Variants in MGAT4C observed in about 807,000 individuals in gnomAD.
MGAT4C encodes the protein alpha-1,3-mannosyl-glycoprotein 4-beta-N-acetylglucosaminyltransferase C.
Under a neutral mutation model 40.1 loss-of-function variants are expected in MGAT4C, and 19 were observed. That is an observed-to-expected ratio of 0.47 (90% CI 0.33 to 0.70). MGAT4C has a LOEUF of 0.70. MGAT4C is among the 30% of genes least tolerant of loss of function. The pLI, the probability that MGAT4C is intolerant of heterozygous loss-of-function variation, is 0.02. For missense variants in MGAT4C, 491 were observed against 563.2 expected (o/e 0.87, Z 1.30); for synonymous variants, 181 against 187.1 (o/e 0.97, Z 0.27).
At chr12:86,697,162 T>C (rs567906756) in intron 2 of MGAT4C, among the ~76,000 whole-genome samples, 41 of 152,288 alleles carry the variant, frequency 2.7e-4, no homozygotes, top group Admixed American at 1.2e-3. Context: ...AATCCAAAGA[T>C]CATGACCTTA....
intron 2 of MGAT4C, among the ~76,000 whole-genome samples, chr12:86,667,049 C>A (rs1379362819): frequency 2.0e-5 from 3 of 152,152 alleles, no homozygotes; most frequent in Non-Finnish European, 4.4e-5. Flanking sequence ...TTGCTCTATA[C>A]CACTGCTGCT....
intron 2 of MGAT4C, among the ~76,000 whole-genome samples, chr12:86,721,056 CAT>C (rs1274181701): frequency 2.0e-5 from 3 of 152,072 alleles, no homozygotes; most frequent in African/African-American, 7.2e-5. Flanking sequence ...TCAAGAATCT[CAT>C]ATGTGTTTGC....
intron 2 of MGAT4C, among the ~76,000 whole-genome samples, chr12:86,027,804 A>G (rs1267456179): frequency 6.6e-6 from 1 of 151,952 alleles, no homozygotes; most frequent in African/African-American, 2.4e-5. Context: ...TGTTCCAGAG[A>G]TCTAACTAAT....
chr12:86,139,042 C>A (rs1882450157), intron 1 of MGAT4C, among the ~76,000 whole-genome samples: 1 of 152,114 alleles, frequency 6.6e-6, no homozygotes, highest in African/African-American at 2.4e-5. Context: ...GTCCTCATGA[C>A]TTCCCTCCAT....
intron 2 of MGAT4C, among the ~76,000 whole-genome samples, chr12:86,648,968 GTTGT>G (rs1235418664): frequency 6.6e-6 from 1 of 151,526 alleles, no homozygotes; most frequent in African/African-American, 2.4e-5. Flanking sequence ...ATGCATTTTT[GTTGT>G]TTGTTTATTT....
At chr12:86,750,298 T>C (rs1340732128) in intron 1 of MGAT4C, among the ~76,000 whole-genome samples, 1 of 151,908 alleles carries the variant, frequency 6.6e-6, no homozygotes, top group African/African-American at 2.4e-5. Context: ...CCTACATAGA[T>C]GAGGCTGAAT....
At chr12:86,203,713 T>A (rs2135939655) in intron 1 of MGAT4C, among the ~76,000 whole-genome samples, 1 of 152,088 alleles carries the variant, frequency 6.6e-6, no homozygotes, top group South Asian at 2.1e-4. Flanking sequence ...ATCCCAGCAC[T>A]TTGGGAGGTT....
At chr12:86,679,956 C>A (rs1949949997) in intron 2 of MGAT4C, among the ~76,000 whole-genome samples, 1 of 151,994 alleles carries the variant, frequency 6.6e-6, no homozygotes, top group Non-Finnish European at 1.5e-5. Flanking sequence ...TGTTTCCTTG[C>A]CTTAGAGTAT....
intron 2 of MGAT4C, among the ~76,000 whole-genome samples, chr12:86,622,900 A>G (rs1002049466): frequency 1.3e-5 from 2 of 152,102 alleles, no homozygotes; most frequent in African/African-American, 2.4e-5. Context: ...ACTTCATCAA[A>G]AACTGACAGA....
chr12:86,522,639 C>T (rs960071075), intron 2 of MGAT4C, among the ~76,000 whole-genome samples: 7 of 152,004 alleles, frequency 4.6e-5, no homozygotes, highest in Non-Finnish European at 1.0e-4. Context: ...TATTTCTCCT[C>T]CTCAATTTTT....
At position 86,394,188 on chromosome 12, in the gene MGAT4C, C is replaced by T. The variant is rs886410831; in HGVS notation, c.-120+40969G>A. Among the ~76,000 whole-genome samples the T allele has an allele frequency of 2.6e-5, 4 of 152,072 alleles. 1 individual carries two copies. Among genetic ancestry groups the T allele is most frequent in the South Asian group, 4.1e-4 (2 of 4,822 alleles). On this transcript the variant is annotated intron_variant, in intron 3 of 7. Coordinates refer to the MGAT4C transcript ENST00000548651. ...CTGAATCAACTTGGGGAATGTATGC[C>T]TTCTTAATTCTCAATTAATAAACAA...
At chr12:86,540,773 C>A (rs1427511195) in intron 2 of MGAT4C, among the ~76,000 whole-genome samples, 1 of 151,774 alleles carries the variant, frequency 6.6e-6, no homozygotes, top group Non-Finnish European at 1.5e-5. Flanking sequence ...AAATTCTAAG[C>A]TGAAACCACT....
intron 3 of MGAT4C, among the ~76,000 whole-genome samples, chr12:86,380,587 C>A (rs1269683430): frequency 6.6e-6 from 1 of 152,068 alleles, no homozygotes; most frequent in Non-Finnish European, 1.5e-5. Context: ...AGAATGAATA[C>A]GTGAAAAATC....
At chr12:86,830,009 G>C (rs915122092) in intron 1 of MGAT4C, among the ~76,000 whole-genome samples, 5 of 151,370 alleles carry the variant, frequency 3.3e-5, no homozygotes, top group Admixed American at 2.0e-4. Flanking sequence ...AAAATGGTTT[G>C]TTACTGAATT....
chr12:86,034,842 T>C (rs1891081320), intron 2 of MGAT4C, among the ~76,000 whole-genome samples: 1 of 149,782 alleles, frequency 6.7e-6, no homozygotes, highest in African/African-American at 2.4e-5. Flanking sequence ...TGGTTTTCTG[T>C]TTTTGTGTTA....
chr12:86,279,262 A>C (rs1287959319), intron 4 of MGAT4C, among the ~76,000 whole-genome samples: 3 of 152,220 alleles, frequency 2.0e-5, no homozygotes, highest in Non-Finnish European at 4.4e-5. Context: ...GTTTGGTAGA[A>C]TTCAGCAGTT....
At chr12:86,405,440 T>C (rs1287306796) in intron 3 of MGAT4C, among the ~76,000 whole-genome samples, 3 of 151,958 alleles carry the variant, frequency 2.0e-5, no homozygotes, top group Non-Finnish European at 4.4e-5. Context: ...GCACCAGACT[T>C]GTATGCTGAA....
intron 4 of MGAT4C, among the ~76,000 whole-genome samples, chr12:86,307,776 C>G (rs139257166): frequency 0.01 from 1,563 of 150,126 alleles, 156 homozygotes; most frequent in African/African-American, 0.037. Flanking sequence ...GATCTCGGCT[C>G]GCTGCAAGCT....
chr12:86,138,513 T>C (rs1882335410), intron 1 of MGAT4C, among the ~76,000 whole-genome samples: 2 of 147,856 alleles, frequency 1.4e-5, no homozygotes, highest in Admixed American at 1.4e-4. Flanking sequence ...CATGTATATA[T>C]TTCCATAGAT....
Sources: gnomAD v4.1 joint callset for allele counts (sites outside exome capture counted in the v4.1 genomes callset) on GRCh38, gnomAD v4.1.1 for gene constraint, MANE v1.5 for transcripts, NCBI Gene and HGNC (gene_info 2026-07-23, HGNC 2026-07-21) for gene names.